The following UBL3 variants were observed in gnomAD, a reference collection of about 807,000 sequenced individuals.
UBL3 encodes ubiquitin like 3, also known as ubiquitin-like protein 3.
UBL3 carries 6 observed loss-of-function variants against 18.4 expected under a neutral mutation model. That is an observed-to-expected ratio of 0.33 (90% confidence interval 0.18 to 0.64). The LOEUF (loss-of-function observed/expected upper bound fraction) is 0.64. Ranked by LOEUF, UBL3 falls within the 30% of genes least tolerant of loss-of-function variation. The pLI, the probability that UBL3 is intolerant of heterozygous loss-of-function variation, is 0.76. For missense variants in UBL3, 109 were observed against 142.9 expected (o/e 0.76, Z 1.21); for synonymous variants, 49 against 46.6 (o/e 1.05, Z -0.21).
chr13:29,768,337 C>T (rs1328067227), intron 3 of UBL3, among the ~76,000 whole-genome samples: 2 of 151,806 alleles, frequency 1.3e-5, no homozygotes, highest in Non-Finnish European at 2.9e-5. Context: ...GAACACACAC[C>T]CATGTCCACT....
At chr13:29,828,218 G>A (rs1302034739) in intron 1 of UBL3, among the ~76,000 whole-genome samples, 1 of 152,120 alleles carries the variant, frequency 6.6e-6, no homozygotes, top group Non-Finnish European at 1.5e-5. Context: ...GAATTTGAAT[G>A]TTGGCCTGCA....
intron 2 of UBL3, among the ~76,000 whole-genome samples, chr13:29,774,831 G>A (rs1450295320): frequency 6.6e-6 from 1 of 151,832 alleles, no homozygotes; most frequent in African/African-American, 2.4e-5. Context: ...AGATTGTCTA[G>A]ATGATTTAAA....
chr13:29,777,226 T>A lies in UBL3; in HGVS notation c.65A>T (p.Lys22Ile). ...ATCGTTAGGAGAAAACAGGAACTCTTTTGTTTTTCCGCTTACCAAAATGAG... is the reference window on the plus strand; with the variant it reads ...ATCGTTAGGAGAAAACAGGAACTCTATTGTTTTTCCGCTTACCAAAATGAG... ...LRLILVSGKT[K>I]EFLFSPNDSA... Residue 22 changes from lysine (K) to isoleucine (I), a missense_variant, in exon 2 of 5, where the codon AAA (lysine) becomes ATA (isoleucine). Coordinates refer to ENST00000380680, the MANE Select transcript of UBL3 (RefSeq NM_007106.4). The A allele has an allele frequency of 1.2e-6, 2 of 1,610,374 alleles. No homozygotes were observed. The highest frequency in any genetic ancestry group is 1.7e-6 in the Non-Finnish European group (2 of 1,178,148).
rs1877958667 is a variant in UBL3 at position 29,808,697 on chromosome 13, G to A, written c.28-31434C>T. Among the ~76,000 whole-genome samples, 3 of 152,056 alleles carry A rather than the reference G, an allele frequency of 2.0e-5. No homozygotes were observed. In the South Asian group the frequency reaches 6.2e-4, roughly 32 times the overall value. ...TCACATGCCTAGTAGCAAGACCAATGCTTACACAAAGTTAAATATCCTAAC... is the reference window on the plus strand; with the variant it reads ...TCACATGCCTAGTAGCAAGACCAATACTTACACAAAGTTAAATATCCTAAC... On this transcript the variant is annotated intron_variant, in intron 1 of 4. Coordinates refer to ENST00000380680, the MANE Select transcript of UBL3 (RefSeq NM_007106.4).
intron 1 of UBL3, among the ~76,000 whole-genome samples, chr13:29,837,704 CGG>C (rs1193183982): frequency 6.6e-6 from 1 of 151,730 alleles, no homozygotes; most frequent in Non-Finnish European, 1.5e-5. Flanking sequence ...CTGAGGCAGG[CGG>C]ATCACTTGAG....
At chr13:29,797,288 A>G (rs1038007491) in intron 1 of UBL3, among the ~76,000 whole-genome samples, 8 of 152,182 alleles carry the variant, frequency 5.3e-5, no homozygotes, top group Non-Finnish European at 1.2e-4. Context: ...TGTGAAAGAG[A>G]TATGATGTTC....
intron 1 of UBL3, among the ~76,000 whole-genome samples, chr13:29,804,267 CTAA>C (rs1254323774): frequency 1.3e-5 from 2 of 151,998 alleles, no homozygotes; most frequent in Non-Finnish European, 2.9e-5. Flanking sequence ...TGCTTTGAAA[CTAA>C]TGAGAACAAA....
intron 1 of UBL3, among the ~76,000 whole-genome samples, chr13:29,819,068 G>C (rs1239379509): frequency 1.3e-5 from 2 of 152,160 alleles, no homozygotes; most frequent in Admixed American, 1.3e-4. Context: ...GGAGCAAGTA[G>C]AGCAAGTACA....
chr13:29,828,200 T>TA (rs1878674767), intron 1 of UBL3, among the ~76,000 whole-genome samples: 1 of 152,326 alleles, frequency 6.6e-6, no homozygotes, highest in South Asian at 2.1e-4. Flanking sequence ...GCATCCTCTG[T>TA]ATTTCCTGAA....
chr13:29,827,979 C>G (rs1256832901), intron 1 of UBL3, among the ~76,000 whole-genome samples: 36 of 152,168 alleles, frequency 2.4e-4, no homozygotes, highest in Non-Finnish European at 8.8e-5. Context: ...GTTGAAAATT[C>G]TTTTCTTTAA....
At chr13:29,772,992 T>C (rs1426629332) in intron 2 of UBL3, among the ~76,000 whole-genome samples, 2 of 152,126 alleles carry the variant, frequency 1.3e-5, no homozygotes, top group African/African-American at 2.4e-5. Flanking sequence ...GGGTAAAGGT[T>C]TAGTAATTTT....
At chr13:29,817,876 T>C (rs1017853110) in intron 1 of UBL3, among the ~76,000 whole-genome samples, 1 of 152,234 alleles carries the variant, frequency 6.6e-6, no homozygotes, top group African/African-American at 2.4e-5. Flanking sequence ...AATTCAAAAT[T>C]AGATTTGATC....
chr13:29,801,909 G>A (rs1877778234), intron 1 of UBL3, among the ~76,000 whole-genome samples: 1 of 152,206 alleles, frequency 6.6e-6, no homozygotes, highest in East Asian at 1.9e-4. Context: ...CTCTGCCACA[G>A]CCACTGCCAA....
intron 1 of UBL3, among the ~76,000 whole-genome samples, chr13:29,807,292 G>A (rs1877921230): frequency 6.6e-6 from 1 of 152,136 alleles, no homozygotes; most frequent in Non-Finnish European, 1.5e-5. Flanking sequence ...CCTAGTCCTG[G>A]CTTTTAAACT....
At chr13:29,799,543 C>T (rs1195791833) in intron 1 of UBL3, among the ~76,000 whole-genome samples, 1 of 152,058 alleles carries the variant, frequency 6.6e-6, no homozygotes, top group Admixed American at 6.5e-5. Flanking sequence ...TTCTTTGCTC[C>T]CATACACTAA....
At chr13:29,822,646 T>A (rs193218084) in intron 1 of UBL3, among the ~76,000 whole-genome samples, 4 of 152,266 alleles carry the variant, frequency 2.6e-5, no homozygotes, top group Admixed American at 6.5e-5. Flanking sequence ...CAAGTGATCA[T>A]CCCATCTCAG....
intron 1 of UBL3, among the ~76,000 whole-genome samples, chr13:29,814,293 T>C (rs1387561036): frequency 6.6e-6 from 1 of 152,118 alleles, no homozygotes; most frequent in East Asian, 1.9e-4. Flanking sequence ...TAACTAAAAC[T>C]GAGCCTGCCT....
rs2139302103 is a variant in UBL3 at position 29,765,357 on chromosome 13, A to G, written c.*1898T>C. The G allele has an allele frequency of 6.6e-6, 1 of 152,326 alleles. No homozygotes were observed. The highest frequency in any genetic ancestry group is 2.1e-4 in the South Asian group (1 of 4,832). The allele number at this position is 152,326 out of a possible 1,614,324, so 9.4% of individuals were successfully genotyped here. ...TCACATTTCAGCTAGTCAACAAAGC[A>G]TATAAATATTTAACATCTCTTGAAG... On this transcript the variant is annotated 3_prime_UTR_variant, in exon 5 of 5. Coordinates refer to ENST00000380680, the MANE Select transcript of UBL3 (RefSeq NM_007106.4).
chr13:29,812,772 T>A (rs1211038999), intron 1 of UBL3, among the ~76,000 whole-genome samples: 1 of 152,090 alleles, frequency 6.6e-6, no homozygotes, highest in Non-Finnish European at 1.5e-5. Flanking sequence ...TGAATTCAGA[T>A]GTGCTCTAAG....
Sources: gnomAD v4.1 joint callset for allele counts (sites outside exome capture counted in the v4.1 genomes callset) on GRCh38, gnomAD v4.1.1 for gene constraint, MANE v1.5 for transcripts, NCBI Gene and HGNC (gene_info 2026-07-23, HGNC 2026-07-21) for gene names.